The following PRDM6 variants were observed in gnomAD, a reference collection of about 807,000 sequenced individuals.
PRDM6 encodes PR/SET domain 6, also known as putative histone-lysine N-methyltransferase PRDM6.
PRDM6 carries 25 observed loss-of-function variants against 60.8 expected under a neutral mutation model. That is an observed-to-expected ratio of 0.41 (90% CI 0.30 to 0.57). The LOEUF (loss-of-function observed/expected upper bound fraction) is 0.57. Among genes scored for constraint, PRDM6 ranks in the 20% least tolerant of loss-of-function variants. The pLI is 0.27. For missense variants in PRDM6, 839 were observed against 821.3 expected (o/e 1.02, Z -0.26); for synonymous variants, 407 against 357.4 (o/e 1.14, Z -1.57).
intron 3 of PRDM6, among the ~76,000 whole-genome samples, chr5:123,112,236 A>G (rs902848334): frequency 2.0e-5 from 3 of 152,204 alleles, no homozygotes; most frequent in South Asian, 2.1e-4. Context: ...GGTGTGAGCT[A>G]TGTGACCACC....
intron 3 of PRDM6, among the ~76,000 whole-genome samples, chr5:123,114,468 C>G (rs971589494): frequency 3.3e-5 from 5 of 152,262 alleles, no homozygotes; most frequent in Non-Finnish European, 7.3e-5. Flanking sequence ...CACTCACTTT[C>G]CTTCCAGCAT....
intron 5 of PRDM6, among the ~76,000 whole-genome samples, chr5:123,162,236 A>G (rs1765651437): frequency 6.6e-6 from 1 of 152,144 alleles, no homozygotes; most frequent in Non-Finnish European, 1.5e-5. Flanking sequence ...TCCACCTGAC[A>G]ATGCTGTCAC....
At chr5:123,094,764 A>T (rs1763920584) in intron 2 of PRDM6, among the ~76,000 whole-genome samples, 2 of 152,040 alleles carry the variant, frequency 1.3e-5, no homozygotes, top group Non-Finnish European at 2.9e-5. Context: ...TCATCTCCGC[A>T]TTGTATATGG....
intron 3 of PRDM6, among the ~76,000 whole-genome samples, chr5:123,113,399 C>A (rs1764361191): frequency 6.6e-6 from 1 of 152,184 alleles, no homozygotes; most frequent in Non-Finnish European, 1.5e-5. Flanking sequence ...CTGAGACTAT[C>A]TGCCAGGCAC....
Position 123,170,618 on chromosome 5 carries a change from C to T in PRDM6, c.1154-148C>T, listed in dbSNP as rs1305655649. 26 of 653,590 alleles carry T rather than the reference C, an allele frequency of 4.0e-5. No homozygotes were observed. In the East Asian group the frequency reaches 7.1e-4, roughly 18 times the overall value. 40.5% of individuals were successfully genotyped at this position (653,590 alleles called of 1,614,324 possible). A position where few individuals can be genotyped will look rare whatever the true frequency, so the allele number is the denominator to read the frequency against. On this transcript the variant is annotated intron_variant, in intron 5 of 7. Coordinates refer to ENST00000407847, the MANE Select transcript of PRDM6 (RefSeq NM_001136239.4). ...ATCTGTGATAATAGTTTTTTCCCCT[C>T]AAATCAGATGGTTTGTTATGTTAAT... is the stretch of plus-strand genomic sequence containing the variant.
intron 2 of PRDM6, among the ~76,000 whole-genome samples, chr5:123,093,483 C>T (rs1033505141): frequency 7.2e-5 from 11 of 152,136 alleles, no homozygotes; most frequent in Admixed American, 3.3e-4. Flanking sequence ...GCAAGCTACC[C>T]GGGTGAGCTT....
At chr5:123,160,125 A>T (rs1447328699) in intron 5 of PRDM6, among the ~76,000 whole-genome samples, 2 of 152,250 alleles carry the variant, frequency 1.3e-5, no homozygotes, top group Non-Finnish European at 2.9e-5. Flanking sequence ...AGTCATTTGC[A>T]TGAGAAATAA....
chr5:123,125,728 G>A (rs750030823), intron 3 of PRDM6, among the ~76,000 whole-genome samples: 6 of 152,178 alleles, frequency 3.9e-5, no homozygotes, highest in Non-Finnish European at 5.9e-5. Flanking sequence ...ACTTCCAATA[G>A]GAGAGACTTG....
chr5:123,123,465 T>C (rs149790981), intron 3 of PRDM6, among the ~76,000 whole-genome samples: 157 of 152,338 alleles, frequency 1.0e-3, no homozygotes, highest in African/African-American at 3.6e-3. Flanking sequence ...TTTTACATAC[T>C]GCATTGCCAC....
intron 7 of PRDM6, among the ~76,000 whole-genome samples, chr5:123,184,257 C>T (rs963756361): frequency 6.6e-6 from 1 of 152,078 alleles, no homozygotes; most frequent in African/African-American, 2.4e-5. Context: ...TTAAGCTCCT[C>T]GTACATATAA....
At chr5:123,181,180 A>G (rs369448457) in intron 7 of PRDM6, among the ~76,000 whole-genome samples, 2 of 152,380 alleles carry the variant, frequency 1.3e-5, no homozygotes, top group African/African-American at 4.8e-5. Context: ...GCACCCTGGT[A>G]GGTACAAGAG....
chr5:123,111,050 C>T (rs2150212660), intron 3 of PRDM6, among the ~76,000 whole-genome samples: 1 of 152,074 alleles, frequency 6.6e-6, no homozygotes, highest in Non-Finnish European at 1.5e-5. Context: ...AACAAATTAA[C>T]AGTAATAATA....
chr5:123,132,643 G>T (rs1764858208), intron 3 of PRDM6, among the ~76,000 whole-genome samples: 1 of 152,084 alleles, frequency 6.6e-6, no homozygotes. Flanking sequence ...AAAAAAGTGT[G>T]CCTACACAAG....
At chr5:123,122,164 C>CAAAAAAAA (rs138619125) in intron 3 of PRDM6, among the ~76,000 whole-genome samples, 3 of 98,902 alleles carry the variant, frequency 3.0e-5, no homozygotes, top group African/African-American at 4.0e-5. Context: ...CTCCATCTGA[C>CAAAAAAAA]AAAAAAAAAA....
chr5:123,135,490 G>C (rs1764933399), intron 3 of PRDM6, among the ~76,000 whole-genome samples: 1 of 152,150 alleles, frequency 6.6e-6, no homozygotes, highest in South Asian at 2.1e-4. Context: ...GCTGAGCTCA[G>C]CTTTGTATTA....
chr5:123,193,223 C>T lies in PRDM6; in HGVS notation c.*6022C>T, dbSNP rs1766463724. The T allele has an allele frequency of 6.6e-6, 1 of 152,182 alleles. No homozygotes were observed. The highest frequency in any genetic ancestry group is 2.4e-5 in the African/African-American group (1 of 41,452). The allele number at this position is 152,182 out of a possible 1,614,324, so 9.4% of individuals were successfully genotyped here. On this transcript the variant is annotated 3_prime_UTR_variant, in exon 8 of 8. Transcript: ENST00000407847. ...ATCTCCTGTTTCCTGCCTTGAAAAA[C>T]ATCCTTGTTGGTGCCTTTCTCCCAC...
chr5:123,091,412 G>T (rs1378863915), intron 2 of PRDM6, among the ~76,000 whole-genome samples: 1 of 152,152 alleles, frequency 6.6e-6, no homozygotes, highest in Non-Finnish European at 1.5e-5. Flanking sequence ...AGTAAAAGAC[G>T]CTTACTCCCC....
intron 6 of PRDM6, among the ~76,000 whole-genome samples, chr5:123,172,974 G>A (rs867539334): frequency 2.0e-5 from 3 of 152,080 alleles, no homozygotes; most frequent in Non-Finnish European, 2.9e-5. Flanking sequence ...GGCGGATCAC[G>A]AGGTCAGGAG....
At chr5:123,142,596 A>T (rs1168737701) in intron 3 of PRDM6, among the ~76,000 whole-genome samples, 1 of 152,156 alleles carries the variant, frequency 6.6e-6, no homozygotes, top group Admixed American at 6.6e-5. Flanking sequence ...ATCAAAGCTG[A>T]CAGGGAATGC....
Sources: gnomAD v4.1 joint callset for allele counts (sites outside exome capture counted in the v4.1 genomes callset) on GRCh38, gnomAD v4.1.1 for gene constraint, MANE v1.5 for transcripts, NCBI Gene and HGNC (gene_info 2026-07-23, HGNC 2026-07-21) for gene names.